CDYL2: variants seen among roughly 807,000 people sequenced by gnomAD.
CDYL2 encodes the protein chromodomain Y-like protein 2.
A neutral mutation model predicts 49.4 loss-of-function variants in CDYL2; 23 were observed. The ratio of observed to expected loss-of-function variants is 0.47; its 90% CI spans 0.34 to 0.66. The LOEUF is 0.66. Among genes scored for constraint, CDYL2 ranks in the 30% least tolerant of loss-of-function variants. The pLI is 0.01. For synonymous variants in CDYL2, 360 were observed against 268.8 expected (o/e 1.34, Z -3.32); for missense variants, 678 against 656.4 (o/e 1.03, Z -0.36).
intron 2 of CDYL2, among the ~76,000 whole-genome samples, chr16:80,654,260 T>C (rs4889190): frequency 0.5 from 76,503 of 151,972 alleles, 21,295 homozygotes; most frequent in African/African-American, 0.73. Context: ...AGCCAACCTG[T>C]CCCATGCCCC....
At chr16:80,712,406 C>G (rs996310791) in intron 1 of CDYL2, among the ~76,000 whole-genome samples, 1 of 151,870 alleles carries the variant, frequency 6.6e-6, no homozygotes, top group Non-Finnish European at 1.5e-5. Flanking sequence ...GTCTATTCGT[C>G]AATGTCACAA....
chr16:80,650,906 A>T (rs1908554722), intron 2 of CDYL2, among the ~76,000 whole-genome samples: 1 of 147,418 alleles, frequency 6.8e-6, no homozygotes, highest in African/African-American at 2.5e-5. Context: ...TATTTGTGGG[A>T]TCTAAAAACC....
intron 2 of CDYL2, among the ~76,000 whole-genome samples, chr16:80,642,429 C>T (rs191633804): frequency 2.0e-4 from 31 of 152,084 alleles, no homozygotes; most frequent in Non-Finnish European, 4.4e-5. Context: ...GTTAACGGAG[C>T]GAGACTCCAT....
In CDYL2 at chr16:80,612,131, G is replaced by A. The variant is rs1199594916; in HGVS notation, c.1218+495C>T. Among the ~76,000 whole-genome samples the A allele has an allele frequency of 6.6e-6, 1 of 152,240 alleles. No homozygotes were observed. The highest frequency in any genetic ancestry group is 2.4e-5 in the African/African-American group (1 of 41,474). On this transcript the variant is annotated intron_variant, in intron 5 of 6. Coordinates refer to ENST00000570137, the MANE Select transcript of CDYL2 (RefSeq NM_152342.4). The surrounding 1 kb of genome is among the most constrained non-coding windows in gnomAD (Gnocchi z 5.0). Reference sequence around the variant, plus strand: ...CATGGCCAATACCACATGAGTGGAGGGGAAGACGCCCCTGCCGGCCTGGCC... The same window carrying A: ...CATGGCCAATACCACATGAGTGGAGAGGAAGACGCCCCTGCCGGCCTGGCC...
At chr16:80,680,457 C>T (rs1176563678) in intron 2 of CDYL2, among the ~76,000 whole-genome samples, 1 of 152,102 alleles carries the variant, frequency 6.6e-6, no homozygotes, top group Non-Finnish European at 1.5e-5. Flanking sequence ...TAGTTAGGGA[C>T]GTTTCACAGA....
At chr16:80,755,978 G>C (rs1906297067) in intron 1 of CDYL2, among the ~76,000 whole-genome samples, 1 of 151,958 alleles carries the variant, frequency 6.6e-6, no homozygotes, top group South Asian at 2.1e-4. Context: ...ATAACTACTG[G>C]GTCAAGGGGT....
At chr16:80,709,108 GC>G (rs1904501294) in intron 1 of CDYL2, among the ~76,000 whole-genome samples, 1 of 152,162 alleles carries the variant, frequency 6.6e-6, no homozygotes, top group African/African-American at 2.4e-5. Flanking sequence ...ATTTAGCCAG[GC>G]CTGGTGGCTC....
chr16:80,753,839 A>T (rs563192323), intron 1 of CDYL2, among the ~76,000 whole-genome samples: 13 of 152,322 alleles, frequency 8.5e-5, no homozygotes, highest in African/African-American at 2.6e-4. Context: ...TTAAAAGAAT[A>T]AAAAAAGACA....
At chr16:80,764,317 C>A (rs1416495341) in intron 1 of CDYL2, among the ~76,000 whole-genome samples, 2 of 152,096 alleles carry the variant, frequency 1.3e-5, no homozygotes, top group Admixed American at 1.3e-4. Flanking sequence ...ATAAAGACAA[C>A]TGCAAGACTG....
chr16:80,699,339 A>T (rs1193168666), intron 1 of CDYL2, among the ~76,000 whole-genome samples: 1 of 152,278 alleles, frequency 6.6e-6, no homozygotes. Context: ...GCCATAAAAA[A>T]GTATGAGATT....
At chr16:80,673,859 T>C (rs922844489) in intron 2 of CDYL2, among the ~76,000 whole-genome samples, 1 of 152,056 alleles carries the variant, frequency 6.6e-6, no homozygotes, top group Non-Finnish European at 1.5e-5. Context: ...CATAAGTCCT[T>C]GTAAGAGGGA....
At chr16:80,742,017 G>C (rs1905754247) in intron 1 of CDYL2, 1 of 152,236 alleles carries the variant, frequency 6.6e-6, no homozygotes, top group Admixed American at 6.5e-5. Flanking sequence ...ACTAGGCACA[G>C]TTCTATGCTT....
chr16:80,758,924 G>A (rs1385215473), intron 1 of CDYL2, among the ~76,000 whole-genome samples: 2 of 151,384 alleles, frequency 1.3e-5, no homozygotes, highest in African/African-American at 4.9e-5. Flanking sequence ...CAGTACCTCT[G>A]GGTTCTATAA....
At chr16:80,720,513 G>C (rs554789720) in intron 1 of CDYL2, among the ~76,000 whole-genome samples, 1 of 152,198 alleles carries the variant, frequency 6.6e-6, no homozygotes, top group South Asian at 2.1e-4. Context: ...GGGTATGCTC[G>C]TCTACAGAGC....
chr16:80,649,129 G>C (rs912182499), intron 2 of CDYL2, among the ~76,000 whole-genome samples: 3 of 152,120 alleles, frequency 2.0e-5, no homozygotes, highest in African/African-American at 7.2e-5. Flanking sequence ...AGTACTGAAA[G>C]TTCTAGCTAG....
chr16:80,626,135 C>T (rs1047472364), intron 3 of CDYL2, among the ~76,000 whole-genome samples: 1 of 139,722 alleles, frequency 7.2e-6, no homozygotes, highest in Non-Finnish European at 1.6e-5. Flanking sequence ...CCTAAAAATA[C>T]AAAAAAAAAA....
chr16:80,735,502 T>C (rs1905489442), intron 1 of CDYL2, among the ~76,000 whole-genome samples: 2 of 152,166 alleles, frequency 1.3e-5, no homozygotes, highest in African/African-American at 4.8e-5. Flanking sequence ...TGGCACTGAA[T>C]GGGCACTCAC....
intron 1 of CDYL2, among the ~76,000 whole-genome samples, chr16:80,699,525 C>CATCT (rs1904290274): frequency 6.6e-6 from 1 of 151,532 alleles, no homozygotes; most frequent in South Asian, 2.1e-4. Flanking sequence ...ATAGCACGAA[C>CATCT]AGAGGATAGG....
chr16:80,655,782 G>A (rs1331420796), intron 2 of CDYL2, among the ~76,000 whole-genome samples: 1 of 152,088 alleles, frequency 6.6e-6, no homozygotes, highest in Non-Finnish European at 1.5e-5. Context: ...GGCTGAAACG[G>A]GCCTTCTCTC....
Sources: gnomAD v4.1 joint callset for allele counts (sites outside exome capture counted in the v4.1 genomes callset) on GRCh38, gnomAD v4.1.1 for gene constraint, Gnocchi (gnomAD v3.1) non-coding constraint, MANE v1.5 for transcripts, NCBI Gene and HGNC (gene_info 2026-07-23, HGNC 2026-07-21) for gene names.